The following NRG1 variants were observed in gnomAD, a reference collection of about 807,000 sequenced individuals.
The protein encoded by NRG1 is neuregulin 1, also known as pro-neuregulin-1, membrane-bound isoform.
NRG1 carries 18 observed loss-of-function variants against 63.8 expected under a neutral mutation model. The observed-to-expected ratio is 0.28, with a 90% CI of 0.19 to 0.42. The LOEUF (loss-of-function observed/expected upper bound fraction) is 0.42, where lower values mean the gene tolerates loss of function less well. Among genes scored for constraint, NRG1 ranks in the 10% least tolerant of loss-of-function variants. The pLI is 1.00. For missense variants in NRG1, 762 were observed against 814.7 expected, an observed-to-expected ratio of 0.94 and a Z score of 0.79; for synonymous variants, 302 against 301.3, an observed-to-expected ratio of 1.00 and a Z score of -0.02.
chr8:32,515,961 G>C (rs1166089726), intron 1 of NRG1, among the ~76,000 whole-genome samples: 1 of 152,092 alleles, frequency 6.6e-6, no homozygotes, highest in Admixed American at 6.6e-5. Flanking sequence ...AATTGCTTTT[G>C]AGGACTTAGC....
intron 1 of NRG1, among the ~76,000 whole-genome samples, chr8:31,738,330 G>A (rs1345035284): frequency 1.3e-5 from 2 of 152,074 alleles, no homozygotes; most frequent in African/African-American, 4.8e-5. Context: ...GCTTGACTTC[G>A]TTTTTAAGCC....
rs554531923 is a variant in NRG1, at chr8:31,991,800, T to C, written c.37+352369T>C. ...CCCAATTTCCCTTTTCTCCTTCTCT[T>C]TCTTTCATTTTTTTCCCAAGATGAT... On this transcript the variant is annotated intron_variant, in intron 1 of 10. Coordinates refer to the NRG1 transcript ENST00000519301. 2.0e-5 allele frequency among the ~76,000 whole-genome samples: 3 copies of C among 152,104 alleles called. No individual in the cohort carries two copies. In the South Asian group the frequency reaches 6.2e-4, roughly 32 times the overall value.
Position 32,121,292 on chromosome 8 carries a change from A to G in NRG1, c.38-474536A>G, listed in dbSNP as rs374401331. Among the ~76,000 whole-genome samples, 5 of 152,170 alleles carry G rather than the reference A, an allele frequency of 3.3e-5. No individual in the cohort carries two copies. In the East Asian group the frequency reaches 7.8e-4, roughly 24 times the overall value. On this transcript the variant is annotated intron_variant, in intron 1 of 10. Transcript: ENST00000519301. ...CATTTTTAACTTAACAGCAACCAACAACAGCTTCACTTTGAGTGCATGAAA... is the reference window on the plus strand; with the variant it reads ...CATTTTTAACTTAACAGCAACCAACGACAGCTTCACTTTGAGTGCATGAAA...
At chr8:32,433,213 G>A (rs1433489252) in intron 1 of NRG1, among the ~76,000 whole-genome samples, 1 of 152,130 alleles carries the variant, frequency 6.6e-6, no homozygotes, top group Non-Finnish European at 1.5e-5. Context: ...CAAATGGAAG[G>A]AACAAGTGAT....
At chr8:32,402,542 T>A (rs73250456) in intron 1 of NRG1, among the ~76,000 whole-genome samples, 41,275 of 151,910 alleles carry the variant, frequency 0.27, 5,855 homozygotes, top group Middle Eastern at 0.34. Flanking sequence ...TGTCCAGCAG[T>A]TCCTCACTGT....
At chr8:31,761,297 T>A (rs1817528629) in intron 1 of NRG1, among the ~76,000 whole-genome samples, 1 of 151,988 alleles carries the variant, frequency 6.6e-6, no homozygotes, top group Non-Finnish European at 1.5e-5. Context: ...CTCTGGGGAC[T>A]GTTGTGGGGT....
intron 1 of NRG1, among the ~76,000 whole-genome samples, chr8:32,586,122 G>A (rs1373091339): frequency 6.7e-6 from 1 of 148,994 alleles, no homozygotes; most frequent in African/African-American, 2.5e-5. Flanking sequence ...TCAAGTATCA[G>A]CTATTATTAT....
At chr8:32,324,679 A>G (rs763939006) in intron 1 of NRG1, among the ~76,000 whole-genome samples, 1 of 152,208 alleles carries the variant, frequency 6.6e-6, no homozygotes, top group Non-Finnish European at 1.5e-5. Flanking sequence ...AATATGTCAG[A>G]AAAGGCAAAT....
chr8:32,687,167 A>G (rs1810375963), intron 5 of NRG1, among the ~76,000 whole-genome samples: 1 of 152,220 alleles, frequency 6.6e-6, no homozygotes, highest in Admixed American at 6.5e-5. Context: ...AGCAGAGAAA[A>G]AGAGCCAAGG....
chr8:32,048,317 GTA>G (rs978229458), intron 1 of NRG1, among the ~76,000 whole-genome samples: 1 of 148,790 alleles, frequency 6.7e-6, no homozygotes, highest in Non-Finnish European at 1.5e-5. Flanking sequence ...ATATATGTAT[GTA>G]TATACATATG....
At chr8:32,757,077 C>T (rs980313625) in intron 9 of NRG1, among the ~76,000 whole-genome samples, 5 of 152,134 alleles carry the variant, frequency 3.3e-5, no homozygotes, top group Admixed American at 6.5e-5. Context: ...GAGTGTCATG[C>T]CAGCTTCTTC....
chr8:32,641,044 A>G (rs900824425), intron 5 of NRG1, among the ~76,000 whole-genome samples: 2 of 151,796 alleles, frequency 1.3e-5, no homozygotes, highest in Non-Finnish European at 2.9e-5. Flanking sequence ...TTGAGAGGCT[A>G]AGGTGGGAGG....
intron 1 of NRG1, among the ~76,000 whole-genome samples, chr8:32,072,460 C>G (rs1363582182): frequency 1.3e-5 from 2 of 152,096 alleles, no homozygotes; most frequent in Non-Finnish European, 2.9e-5. Flanking sequence ...CTTTACCACC[C>G]TTTGACTCTA....
intron 9 of NRG1, among the ~76,000 whole-genome samples, chr8:32,758,575 CAAAAAAAAAAAAAAAA>C (rs35499101): frequency 1.3e-5 from 1 of 74,524 alleles, no homozygotes; most frequent in African/African-American, 6.2e-5. Context: ...GACTCCATCT[CAAAAAAAAAAAAAAAA>C]AAAAAAAAAA....
At chr8:31,667,037 A>G (rs7009043) in intron 1 of NRG1, among the ~76,000 whole-genome samples, 61,517 of 152,118 alleles carry the variant, frequency 0.4, 13,495 homozygotes, top group Non-Finnish European at 0.49. Context: ...AGTGGAGAGC[A>G]GGCTGTCCGG....
intron 1 of NRG1, among the ~76,000 whole-genome samples, chr8:31,808,788 C>T (rs1436918781): frequency 4.6e-5 from 7 of 152,010 alleles, no homozygotes; most frequent in Non-Finnish European, 8.8e-5. Flanking sequence ...GATATTAAAT[C>T]CAGATTGCCA....
chr8:31,884,562 C>T (rs1487245307), intron 1 of NRG1, among the ~76,000 whole-genome samples: 1 of 152,014 alleles, frequency 6.6e-6, no homozygotes, highest in African/African-American at 2.4e-5. Context: ...CCCTTTTTGC[C>T]TTCACTTTCT....
At chr8:32,488,068 T>C (rs1220331559) in intron 1 of NRG1, among the ~76,000 whole-genome samples, 1 of 152,190 alleles carries the variant, frequency 6.6e-6, no homozygotes, top group African/African-American at 2.4e-5. Context: ...TGCTGGCTAA[T>C]TAACTTGCAG....
At chr8:31,729,274 A>G (rs76554579) in intron 1 of NRG1, among the ~76,000 whole-genome samples, 1,657 of 151,926 alleles carry the variant, frequency 0.011, 33 homozygotes, top group African/African-American at 0.038. Context: ...ACTTTGCAGG[A>G]AGGTCATGTC....
Sources: allele counts gnomAD v4.1 joint callset (sites outside exome capture counted in the v4.1 genomes callset), GRCh38; gene constraint gnomAD v4.1.1; transcripts MANE v1.5; gene names NCBI Gene and HGNC (gene_info 2026-07-23, HGNC 2026-07-21).